SERPINB3: variants seen among roughly 807,000 people sequenced by gnomAD.
SERPINB3 encodes serpin B3.
SERPINB3 carries 33 observed loss-of-function variants against 33.0 expected under a neutral mutation model. The observed-to-expected ratio is 1.00, with a 90% CI of 0.76 to 1.34. The LOEUF is 1.34. SERPINB3 is among the 40% of genes most tolerant of loss of function. The pLI is 0.00. For synonymous variants in SERPINB3, 200 were observed against 170.9 expected (o/e 1.17, Z -1.33); for missense variants, 518 against 461.5 (o/e 1.12, Z -1.12).
At chr18:63,659,186 A>G (rs1913574519) in intron 4 of SERPINB3, 2 of 593,690 alleles carry the variant, frequency 3.4e-6, no homozygotes, top group Admixed American at 6.0e-5. Flanking sequence ...CTTTTATTAC[A>G]AGATTATCCC....
rs1410864228 is a variant in SERPINB3, at chr18:63,656,992, A to G, written c.613-6T>C. On this transcript the variant is annotated splice_polypyrimidine_tract_variant and splice_region_variant and intron_variant, in intron 6 of 7. Transcript: ENST00000283752. ...TGTATGGACTTGTATGTATTCTACA[A>G]TAAATCAATGTGTCCAACAAATACC... is the stretch of plus-strand genomic sequence containing the variant. 1 of 1,596,826 alleles carries G rather than the reference A, an allele frequency of 6.3e-7. No homozygotes were observed.
chr18:63,661,093 G>A lies in SERPINB3; in HGVS notation c.124C>T (p.Leu42Phe), dbSNP rs2144498297. Residue 42 changes from leucine to phenylalanine, a missense_variant, in exon 2 of 8, where the codon CTC (leucine) becomes TTC (phenylalanine). Coordinates refer to ENST00000283752, the MANE Select transcript of SERPINB3 (RefSeq NM_006919.3). Reference protein sequence around the residue: ...ISITSALGMVLLGAKDNTAQQ... With the variant: ...ISITSALGMVFLGAKDNTAQQ... ...GCAGTGTTGTCTTTGGCTCCTAAGA[G>A]GACCATCCCTAATGCTGATGTGATG... 6.2e-7 allele frequency: 1 copy of A among 1,613,552 alleles called. No homozygotes were observed. The highest frequency in any genetic ancestry group is 8.5e-7 in the Non-Finnish European group (1 of 1,179,660).
At chr18:63,660,132 A>G (rs1598939308) in intron 3 of SERPINB3, among the ~76,000 whole-genome samples, 1 of 152,202 alleles carries the variant, frequency 6.6e-6, no homozygotes, top group East Asian at 1.9e-4. Context: ...TGGAAAGTAA[A>G]CCTCTTCATA....
Position 63,659,431 on chromosome 18 carries a change from G to A in SERPINB3, c.319C>T (p.Leu107Phe). 1.2e-6 allele frequency: 2 copies of A among 1,613,360 alleles called. No homozygotes were observed. The highest frequency in any genetic ancestry group is 1.3e-5 in the African/African-American group (1 of 74,966). The part of the protein sequence containing the change: ...DAYELKIANK[L>F]FGEKTYLFLQ... ...AATAGATACGTTTTTTCTCCGAAGA[G>A]CTTGTTGGCGATCTTCAGCTCATAT... is the stretch of plus-strand genomic sequence containing the variant. The change falls in exon 4 of 8, where the codon CTC becomes TTC. Residue 107 changes from leucine to phenylalanine, a missense_variant. Transcript: ENST00000283752.
At position 63,659,540 on chromosome 18, in the gene SERPINB3, A is replaced by G. The variant is rs774374954; in HGVS notation, c.223-13T>C. The G allele has an allele frequency of 5.3e-5, 86 of 1,613,322 alleles. No individual in the cohort carries two copies. The highest frequency in any genetic ancestry group is 6.9e-5 in the Non-Finnish European group (81 of 1,179,582). ...CTGACCTATCAACCTTCAAACATCAAAAAAGGAGATCATTCAATTGCTGTA... is the reference window on the plus strand; with the variant it reads ...CTGACCTATCAACCTTCAAACATCAGAAAAGGAGATCATTCAATTGCTGTA... On this transcript the variant is annotated splice_polypyrimidine_tract_variant and intron_variant, in intron 3 of 7. Coordinates refer to ENST00000283752, the MANE Select transcript of SERPINB3 (RefSeq NM_006919.3).
intron 3 of SERPINB3, among the ~76,000 whole-genome samples, chr18:63,659,980 T>C (rs1027824159): frequency 2.6e-5 from 4 of 152,214 alleles, no homozygotes; most frequent in African/African-American, 9.6e-5. Context: ...GTAGGACACA[T>C]TGACTGATCT....
At position 63,659,278 on chromosome 18, in the gene SERPINB3, C is replaced by G. The variant is rs547838749; in HGVS notation, c.351+121G>C. 1.2e-4 allele frequency: 136 copies of G among 1,102,774 alleles called. 1 individual carries two copies. The highest frequency in any genetic ancestry group is 9.9e-4 in the Middle Eastern group (5 of 5,050). 68.3% of individuals were successfully genotyped at this position (1,102,774 alleles called of 1,614,324 possible). A position where few individuals can be genotyped will look rare whatever the true frequency, so the allele number is the denominator to read the frequency against. On this transcript the variant is annotated intron_variant, in intron 4 of 7. Coordinates refer to ENST00000283752, the MANE Select transcript of SERPINB3 (RefSeq NM_006919.3). ...GTTGTGGAAACGGAGCTATTGCACTCTGAGTAAATGCTCTCCACCTGGATC... is the reference window on the plus strand; with the variant it reads ...GTTGTGGAAACGGAGCTATTGCACTGTGAGTAAATGCTCTCCACCTGGATC...
Position 63,661,332 on chromosome 18 carries a change from T to G in SERPINB3, c.-26-90A>C, listed in dbSNP as rs183882015. On this transcript the variant is annotated intron_variant, in intron 1 of 7. Transcript: ENST00000283752. The stretch of plus-strand genomic sequence containing the variant: ...TTTTCTTAAAGAAATTATATATCTG[T>G]GTTGTGAGATTTTGACATTTAAAGT... The G allele has an allele frequency of 7.5e-4, 1,037 of 1,388,166 alleles. 6 individuals are homozygous for G. Among genetic ancestry groups the G allele is most frequent in the African/African-American group, 6.9e-3 (472 of 68,816 alleles). The allele number at this position is 1,388,166 out of a possible 1,614,324, so 86.0% of individuals were successfully genotyped here.
intron 5 of SERPINB3, 71 bp from the exon 6 acceptor site, chr18:63,657,483 T>C: frequency 7.8e-7 from 1 of 1,277,884 alleles, no homozygotes; most frequent in Non-Finnish European, 1.1e-6. Flanking sequence ...GCTTTGCAAA[T>C]GTTCGTGACT....
Position 63,655,982 on chromosome 18 carries a change from T to C in SERPINB3, c.848A>G (p.His283Arg). The C allele has an allele frequency of 1.2e-6, 2 of 1,613,970 alleles. No homozygotes were observed. The highest frequency in any genetic ancestry group is 8.5e-7 in the Non-Finnish European group (1 of 1,179,948). ...CTCTTCCACTTTGAACCGAGGTAAG[T>C]GTAAATCGACACGTGTCTCTCTCAT... ...QNMRETRVDL[H>R]LPRFKVEESY... Residue 283 changes from histidine (H) to arginine (R), a missense_variant, in exon 8 of 8, where the codon CAC (histidine) becomes CGC (arginine). His to Arg is a conservative substitution (Grantham distance 29, BLOSUM62 0). Coordinates refer to ENST00000283752, the MANE Select transcript of SERPINB3 (RefSeq NM_006919.3).
chr18:63,660,649 G>T, intron 3 of SERPINB3, 151 bp downstream of exon 3: 2 of 824,686 alleles, frequency 2.4e-6, no homozygotes, highest in Non-Finnish European at 4.0e-6. Context: ...ATAATTATGT[G>T]CCATGAAATG....
intron 4 of SERPINB3, among the ~76,000 whole-genome samples, chr18:63,659,046 C>A (rs1197825417): frequency 2.6e-5 from 4 of 152,154 alleles, no homozygotes; most frequent in Admixed American, 2.6e-4. Flanking sequence ...CCCAAGCCTG[C>A]CCATTCCAAT....
At chr18:63,659,217 G>T (rs1598938605) in intron 4 of SERPINB3, 182 bp downstream of exon 4, 2 of 657,070 alleles carry the variant, frequency 3.0e-6, no homozygotes, top group Non-Finnish European at 2.7e-6. Flanking sequence ...CTTCAGTGAT[G>T]TATTGTTAGG....
intron 5 of SERPINB3, 80 bp from the exon 6 acceptor site, chr18:63,657,492 C>T (rs1913528893): frequency 1.1e-5 from 13 of 1,230,704 alleles, no homozygotes; most frequent in Non-Finnish European, 1.3e-5. Context: ...ATGTTCGTGA[C>T]TGATCGTTAA....
chr18:63,657,186 T>A, intron 6 of SERPINB3, 84 bp downstream of exon 6: 1 of 923,630 alleles, frequency 1.1e-6, no homozygotes, highest in Non-Finnish European at 1.6e-6. Context: ...AACAATTTTA[T>A]TTTTTACTTG....
chr18:63,660,993 C>T (rs1165759928), intron 2 of SERPINB3, 59 bp downstream of exon 2: 3 of 1,610,458 alleles, frequency 1.9e-6, no homozygotes, highest in East Asian at 2.2e-5. Flanking sequence ...CATCTGCGTG[C>T]TAGCCGACGG....
intron 3 of SERPINB3, among the ~76,000 whole-genome samples, chr18:63,659,871 A>G (rs1913596918): frequency 6.6e-6 from 1 of 152,132 alleles, no homozygotes; most frequent in Non-Finnish European, 1.5e-5. Context: ...ACCATATTTC[A>G]CTTCTAACAG....
Position 63,659,540 on chromosome 18 carries a change from A to T in SERPINB3, c.223-13T>A. 6.2e-7 allele frequency: 1 copy of T among 1,613,446 alleles called. No individual in the cohort carries two copies. The highest frequency in any genetic ancestry group is 1.1e-5 in the South Asian group (1 of 91,068). The stretch of plus-strand genomic sequence containing the variant: ...CTGACCTATCAACCTTCAAACATCA[A>T]AAAAGGAGATCATTCAATTGCTGTA... On this transcript the variant is annotated splice_polypyrimidine_tract_variant and intron_variant, in intron 3 of 7. Coordinates refer to ENST00000283752, the MANE Select transcript of SERPINB3 (RefSeq NM_006919.3).
intron 4 of SERPINB3, chr18:63,659,194 C>A (rs1913574745): frequency 3.3e-6 from 2 of 604,888 alleles, no homozygotes; most frequent in African/African-American, 3.7e-5. Flanking sequence ...ACAAGATTAT[C>A]CCTAAATCCA....
Sources: allele counts gnomAD v4.1 joint callset (sites outside exome capture counted in the v4.1 genomes callset), GRCh38; gene constraint gnomAD v4.1.1; transcripts MANE v1.5; gene names NCBI Gene and HGNC (gene_info 2026-07-23, HGNC 2026-07-21).